PCSK9: variants seen among roughly 807,000 people sequenced by gnomAD.
The protein encoded by PCSK9 is proprotein convertase subtilisin/kexin type 9.
A neutral mutation model predicts 62.1 loss-of-function variants in PCSK9; 57 were observed. The ratio of observed to expected loss-of-function variants is 0.92; its 90% CI spans 0.74 to 1.14. PCSK9 has a LOEUF of 1.14. Ranked by LOEUF, PCSK9 falls within the 50% of genes most tolerant of loss-of-function variation. PCSK9 has a pLI of 0.00. For synonymous variants in PCSK9, 387 were observed against 409.4 expected (o/e 0.95, Z 0.66); for missense variants, 870 against 959.8 (o/e 0.91, Z 1.24).
In PCSK9 at chr1:55,063,468, G is replaced by A. The variant is rs763958625; in HGVS notation, c.1963G>A (p.Val655Ile). Residue 655 changes from valine to isoleucine, a missense_variant, in exon 12 of 12, where the codon GTA (valine) becomes ATA (isoleucine). Coordinates refer to ENST00000302118, the MANE Select transcript of PCSK9 (RefSeq NM_174936.4). Reference sequence around the variant, plus strand: ...GGCCTACGCCGTAGACAACACGTGTGTAGTCAGGAGCCGGGACGTCAGCAC... The same window carrying A: ...GGCCTACGCCGTAGACAACACGTGTATAGTCAGGAGCCGGGACGTCAGCAC... The part of the protein sequence containing the change: ...LGAYAVDNTC[V>I]VRSRDVSTTG... The A allele has an allele frequency of 6.2e-7, 1 of 1,614,150 alleles. No individual in the cohort carries two copies. Among genetic ancestry groups the A allele is most frequent in the Non-Finnish European group, 8.5e-7 (1 of 1,180,012 alleles).
intron 11 of PCSK9, among the ~76,000 whole-genome samples, chr1:55,062,640 G>A (rs1163244388): frequency 6.6e-6 from 1 of 152,218 alleles, no homozygotes; most frequent in East Asian, 1.9e-4. Flanking sequence ...CATGTTCCAG[G>A]CAAAGCAAAG....
Position 55,061,455 on chromosome 1 carries a change from T to C in PCSK9, c.1762T>C (p.Cys588Arg), listed in dbSNP as rs1404110591. ...VLRPRGQPNQ[C>R]VGHREASIHA... is the part of the protein sequence containing the mutation. Reference sequence around the variant, plus strand: ...GAGGCCACGAGGTCAGCCCAACCAGTGCGTGGGCCACAGGGAGGCCAGCAT... The same window carrying C: ...GAGGCCACGAGGTCAGCCCAACCAGCGCGTGGGCCACAGGGAGGCCAGCAT... Residue 588 changes from cysteine (C) to arginine (R), a missense_variant, in exon 11 of 12, where the codon TGC becomes CGC. Physicochemically the swap from Cys to Arg is radical, Grantham distance 180 (BLOSUM62 -3). Transcript: ENST00000302118. 2 of 1,608,664 alleles carry C rather than the reference T, an allele frequency of 1.2e-6. No homozygotes were observed. Among genetic ancestry groups the C allele is most frequent in the Admixed American group, 1.7e-5 (1 of 59,400 alleles).
rs545454601 is a variant in PCSK9, at chr1:55,039,784, C to A, written c.-54C>A. The stretch of plus-strand genomic sequence containing the variant: ...GGCTCAAGGCGCCGCCGGCGTGGAC[C>A]GCGCACGGCCTCTAGGTCTCCTCGC... On this transcript the variant is annotated 5_prime_UTR_variant, in exon 1 of 12. Coordinates refer to ENST00000302118, the MANE Select transcript of PCSK9 (RefSeq NM_174936.4). 3 of 1,558,480 alleles carry A rather than the reference C, an allele frequency of 1.9e-6. No homozygotes were observed. In the African/African-American group the frequency reaches 4.0e-5, roughly 21 times the overall value.
At chr1:55,048,464 C>T (rs1054269147) in intron 3 of PCSK9, among the ~76,000 whole-genome samples, 1 of 152,238 alleles carries the variant, frequency 6.6e-6, no homozygotes, top group African/African-American at 2.4e-5. Context: ...CCCTTTCTTC[C>T]CCATAGGATG....
rs1200168752 is a variant in PCSK9, at chr1:55,058,190, C to T, written c.1335C>T (p.Pro445=). ...CCCCCAACCTGGTGGCCGCCCTGCC[C>T]CCCAGCACCCATGGGGCAGGTAAGC... ...VLTPNLVAAL[P]PSTHGAGWQL... The change falls in exon 8 of 12, where the codon CCC becomes CCT. Residue 445 remains proline, a synonymous_variant. Coordinates refer to ENST00000302118, the MANE Select transcript of PCSK9 (RefSeq NM_174936.4). The T allele has an allele frequency of 1.2e-6, 2 of 1,613,094 alleles. No homozygotes were observed. The highest frequency in any genetic ancestry group is 1.7e-4 in the Middle Eastern group (1 of 6,010).
intron 2 of PCSK9, among the ~76,000 whole-genome samples, chr1:55,045,326 G>A (rs967472302): frequency 2.0e-5 from 3 of 152,128 alleles, no homozygotes; most frequent in Admixed American, 6.5e-5. Context: ...CTTATTGGCT[G>A]TCTAACCCTG....
At chr1:55,046,700 T>C (rs1229384908) in intron 3 of PCSK9, 54 bp downstream of exon 3, 3 of 1,607,192 alleles carry the variant, frequency 1.9e-6, no homozygotes, top group South Asian at 2.2e-5. Context: ...ATCCATTTGC[T>C]CTGCCCTGGC....
intron 9 of PCSK9, 67 bp downstream of exon 9, chr1:55,058,714 T>TGC: frequency 6.5e-7 from 1 of 1,534,070 alleles, no homozygotes. Flanking sequence ...TGTGTGTGTG[T>TGC]GTGTCAGTGC....
At chr1:55,049,610 C>A (rs1290894496) in intron 3 of PCSK9, among the ~76,000 whole-genome samples, 1 of 152,202 alleles carries the variant, frequency 6.6e-6, no homozygotes, top group African/African-American at 2.4e-5. Context: ...CTAGGAAGGG[C>A]CCTGTGTCTC....
chr1:55,046,240 C>G (rs993486648), intron 2 of PCSK9, among the ~76,000 whole-genome samples: 2 of 152,232 alleles, frequency 1.3e-5, no homozygotes, highest in Non-Finnish European at 2.9e-5. Flanking sequence ...CTTGGCACAG[C>G]CTGGCTCCCA....
Position 55,056,115 on chromosome 1 carries a change from G to A in PCSK9, c.922G>A (p.Gly308Arg). 6.3e-7 allele frequency: 1 copy of A among 1,582,232 alleles called. No homozygotes were observed. The highest frequency in any genetic ancestry group is 8.6e-7 in the Non-Finnish European group (1 of 1,159,638). ...NAACQRLARAGVVLVTAAGNF... is the reference protein window; with the variant it reads ...NAACQRLARARVVLVTAAGNF... The stretch of plus-strand genomic sequence containing the variant: ...CGCCTGCCAGCGCCTGGCGAGGGCT[G>A]GGGTCGTGCTGGTCACCGCTGCCGG... Residue 308 changes from glycine to arginine, a missense_variant, in exon 6 of 12, where the codon GGG (glycine) becomes AGG (arginine). Gly to Arg is a moderately radical substitution (Grantham distance 125). Coordinates refer to ENST00000302118, the MANE Select transcript of PCSK9 (RefSeq NM_174936.4).
At position 55,039,622 on chromosome 1, in the gene PCSK9, C is replaced by T. The variant is rs1214105649; in HGVS notation, c.-216C>T. 8.0e-6 allele frequency: 5 copies of T among 622,666 alleles called. No individual in the cohort carries two copies. Among genetic ancestry groups the T allele is most frequent in the Non-Finnish European group, 1.4e-5 (5 of 357,174 alleles). 38.6% of individuals were successfully genotyped at this position (622,666 alleles called of 1,614,324 possible). A position where few individuals can be genotyped will look rare whatever the true frequency, so the allele number is the denominator to read the frequency against. On this transcript the variant is annotated 5_prime_UTR_variant, in exon 1 of 12. Transcript: ENST00000302118. ...AGGGTCTGAGCCTGGAGGAGTGAGC[C>T]AGGCAGTGAGACTGGCTCGGGCGGG...
At chr1:55,060,744 C>T (rs1312899559) in intron 10 of PCSK9, among the ~76,000 whole-genome samples, 1 of 152,170 alleles carries the variant, frequency 6.6e-6, no homozygotes, top group Non-Finnish European at 1.5e-5. Context: ...TGAGTGGCTG[C>T]CCCGAGCCCT....
intron 5 of PCSK9, among the ~76,000 whole-genome samples, chr1:55,053,027 ACC>A: frequency 6.6e-6 from 1 of 152,090 alleles, no homozygotes; most frequent in Non-Finnish European, 1.5e-5. Flanking sequence ...TTCAGCCTTG[ACC>A]CTGGGTCAAT....
At chr1:55,060,708 C>G (rs1644753107) in intron 10 of PCSK9, among the ~76,000 whole-genome samples, 1 of 152,172 alleles carries the variant, frequency 6.6e-6, no homozygotes, top group East Asian at 1.9e-4. Flanking sequence ...CATTTTGCAG[C>G]TAAGGGAACT....
intron 2 of PCSK9, among the ~76,000 whole-genome samples, chr1:55,045,937 C>T (rs551998513): frequency 1.6e-3 from 192 of 121,612 alleles, no homozygotes; most frequent in South Asian, 3.0e-3. Context: ...CTCGAACTCT[C>T]GACCTCAGGT....
intron 3 of PCSK9, among the ~76,000 whole-genome samples, chr1:55,048,460 C>T (rs1291579479): frequency 6.6e-6 from 1 of 152,250 alleles, no homozygotes; most frequent in East Asian, 1.9e-4. Flanking sequence ...GGGGCCCTTT[C>T]TTCCCCATAG....
chr1:55,058,749 GCC>G, intron 9 of PCSK9, 102 bp downstream of exon 9: 1 of 1,540,132 alleles, frequency 6.5e-7, no homozygotes, highest in Non-Finnish European at 8.8e-7. Context: ...CCCCCAGCAA[GCC>G]CCTCCATCCT....
chr1:55,060,681 C>T (rs1024663098), intron 10 of PCSK9, among the ~76,000 whole-genome samples: 14 of 152,112 alleles, frequency 9.2e-5, no homozygotes, highest in African/African-American at 1.9e-4. Context: ...CTCCATGAAG[C>T]GCACCTCAAA....
Sources: allele counts gnomAD v4.1 joint callset (sites outside exome capture counted in the v4.1 genomes callset), GRCh38; gene constraint gnomAD v4.1.1; transcripts MANE v1.5; gene names NCBI Gene and HGNC (gene_info 2026-07-23, HGNC 2026-07-21).